Variants in ZNF345 observed in about 807,000 individuals in gnomAD.
The protein encoded by ZNF345 is zinc finger protein HZF10.
For missense variants in ZNF345, 527 were observed against 589.9 expected, an observed-to-expected ratio of 0.89 and a Z score of 1.10; for synonymous variants, 166 against 187.9, an observed-to-expected ratio of 0.88 and a Z score of 0.95.
chr19:36,850,617 G>T (rs1258406210), upstream of ZNF345: 1 of 152,258 alleles, frequency 6.6e-6, no homozygotes, highest in East Asian at 1.9e-4. Flanking sequence ...CAAGCAAAAA[G>T]GGCTCAGAGG....
chr19:36,852,439 C>T lies in ZNF345; in HGVS notation c.-47+535C>T, dbSNP rs567046858. On this transcript the variant is annotated intron_variant, in intron 2 of 2. Transcript: ENST00000420450. ...CATCCTGGCCAACATGAGGAAACCC[C>T]GTCTCTACTAAAAACACAAAAATTA... is the stretch of plus-strand genomic sequence containing the variant. 2.6e-4 allele frequency among the ~76,000 whole-genome samples: 39 copies of T among 151,956 alleles called. No homozygotes were observed. In the South Asian group the frequency reaches 7.9e-3, roughly 31 times the overall value.
At chr19:36,852,279 AT>A (rs1391637917) in intron 2 of ZNF345, among the ~76,000 whole-genome samples, 3 of 151,670 alleles carry the variant, frequency 2.0e-5, no homozygotes, top group Non-Finnish European at 4.4e-5. Context: ...TTTGGTACAC[AT>A]TTGCTTGCAT....
chr19:36,876,615 T>C (rs2072885521), intron 2 of ZNF345, among the ~76,000 whole-genome samples, 170 bp from the exon 3 acceptor site: 1 of 152,238 alleles, frequency 6.6e-6, no homozygotes, highest in Non-Finnish European at 1.5e-5. Context: ...ACTCATTTTC[T>C]CTGCTTCCCT....
intron 2 of ZNF345, among the ~76,000 whole-genome samples, chr19:36,867,421 A>G (rs1007335517): frequency 6.6e-6 from 1 of 152,202 alleles, no homozygotes; most frequent in Non-Finnish European, 1.5e-5. Flanking sequence ...TGTATTCACA[A>G]TATTGTGCAA....
intron 2 of ZNF345, among the ~76,000 whole-genome samples, chr19:36,853,784 A>G (rs2072342450): frequency 6.6e-6 from 1 of 152,222 alleles, no homozygotes; most frequent in Non-Finnish European, 1.5e-5. Context: ...CACTCCTCGC[A>G]GTAATAACAT....
At position 36,877,320 on chromosome 19, in the gene ZNF345, C is replaced by A. The variant is rs1294818220; in HGVS notation, c.490C>A (p.His164Asn). The A allele has an allele frequency of 6.2e-7, 1 of 1,614,006 alleles. No individual in the cohort carries two copies. Among genetic ancestry groups the A allele is most frequent in the Non-Finnish European group, 8.5e-7 (1 of 1,179,990 alleles). The change falls in exon 3 of 3, where the codon CAT becomes AAT. Residue 164 changes from histidine to asparagine, a missense_variant. Physicochemically the swap from His to Asn is moderately conservative, Grantham distance 68. Transcript: ENST00000420450. Reference protein sequence around the residue: ...AFSFGSGLIRHQIIHSGEKPY... With the variant: ...AFSFGSGLIRNQIIHSGEKPY... ...TAGTTTTGGATCAGGCCTTATTCGA[C>A]ATCAGATCATTCACAGTGGTGAGAA...
At chr19:36,851,999 G>A (rs1568347586) in intron 2 of ZNF345, 95 bp downstream of exon 2, 1 of 151,860 alleles carries the variant, frequency 6.6e-6, no homozygotes, top group East Asian at 1.9e-4. Flanking sequence ...CCTATGAGAT[G>A]ACCTGATCCC....
At chr19:36,851,019 G>A (rs1485247780) in intron 1 of ZNF345, 51 bp downstream of exon 1, 2 of 153,322 alleles carry the variant, frequency 1.3e-5, no homozygotes, top group African/African-American at 4.8e-5. Flanking sequence ...CGACCTGTGT[G>A]GGCTGCGTGG....
downstream of ZNF345, among the ~76,000 whole-genome samples, chr19:36,882,051 G>GTT (rs557132155): frequency 6.7e-5 from 9 of 134,670 alleles, no homozygotes; most frequent in South Asian, 4.6e-4. Context: ...CATTTTACTT[G>GTT]TTTTTTTTTT....
At chr19:36,870,802 G>C (rs918630797) in intron 2 of ZNF345, among the ~76,000 whole-genome samples, 1 of 152,028 alleles carries the variant, frequency 6.6e-6, no homozygotes, top group Non-Finnish European at 1.5e-5. Flanking sequence ...ATATGTAAAT[G>C]TAAATCATCT....
intron 3 of ZNF345, among the ~76,000 whole-genome samples, chr19:36,887,629 A>G (rs188015145): frequency 1.3e-5 from 2 of 152,356 alleles, no homozygotes; most frequent in East Asian, 3.9e-4. Context: ...ATGTTATTAC[A>G]TGGAGTCATT....
intron 2 of ZNF345, among the ~76,000 whole-genome samples, chr19:36,864,532 T>TA (rs2072618641): frequency 6.6e-6 from 1 of 151,018 alleles, no homozygotes; most frequent in Non-Finnish European, 1.5e-5. Context: ...TCTAAAAAAT[T>TA]TAAAAAAAAA....
chr19:36,863,225 G>C (rs1318222128), intron 2 of ZNF345, among the ~76,000 whole-genome samples: 1 of 152,060 alleles, frequency 6.6e-6, no homozygotes, highest in Non-Finnish European at 1.5e-5. Context: ...CCTCATTATA[G>C]GTCTATAATG....
chr19:36,863,553 A>C (rs184218934), intron 2 of ZNF345, among the ~76,000 whole-genome samples: 11 of 152,200 alleles, frequency 7.2e-5, no homozygotes, highest in African/African-American at 2.2e-4. Flanking sequence ...CTTCTTTCAC[A>C]TGAAAAATGT....
chr19:36,878,212 A>G lies in ZNF345; in HGVS notation c.1382A>G (p.Lys461Arg). 1 of 1,614,044 alleles carries G rather than the reference A, an allele frequency of 6.2e-7. No homozygotes were observed. The highest frequency in any genetic ancestry group is 2.2e-5 in the East Asian group (1 of 44,872). Residue 461 changes from lysine to arginine, a missense_variant, in exon 3 of 3, where the codon AAG (lysine) becomes AGG (arginine). Transcript: ENST00000420450. ...CTTTATGAATGTAAGAACTGTGGGA[A>G]GGCTTATGGGAGGGATTCAGAGTTT... ...EKLYECKNCG[K>R]AYGRDSEFQQ...
downstream of ZNF345, among the ~76,000 whole-genome samples, chr19:36,879,946 C>T (rs1256302001): frequency 6.6e-6 from 1 of 152,122 alleles, no homozygotes; most frequent in African/African-American, 2.4e-5. Context: ...TGATCCATAC[C>T]TTACTCAACA....
rs957365863 is a variant in ZNF345 at position 36,878,097 on chromosome 19, G to A, written c.1267G>A (p.Glu423Lys). ...TCGGCACCAGAGAATACACACTGGT[G>A]AGAAACCCTATGAATGTAAGGAGTG... Reference protein sequence around the residue: ...LNRHQRIHTGEKPYECKECGK... With the variant: ...LNRHQRIHTGKKPYECKECGK... The change falls in exon 3 of 3, where the codon GAG (glutamate) becomes AAG (lysine). Residue 423 changes from glutamate (E) to lysine (K), a missense_variant. Glu to Lys is a moderately conservative substitution (Grantham distance 56). Transcript: ENST00000420450. 6.2e-7 allele frequency: 1 copy of A among 1,613,980 alleles called. No individual in the cohort carries two copies. The highest frequency in any genetic ancestry group is 1.3e-5 in the African/African-American group (1 of 74,922).
exon 4 of ZNF345, chr19:36,892,967 T>C (rs2073075153): frequency 2.1e-6 from 1 of 482,418 alleles, no homozygotes; most frequent in Non-Finnish European, 3.4e-6. Context: ...CCGCTTCTGC[T>C]CCAGGGCATG....
At chr19:36,891,185 G>T in intron 3 of ZNF345, 1 of 256,444 alleles carries the variant, frequency 3.9e-6, no homozygotes, top group Non-Finnish European at 7.3e-6. Flanking sequence ...AAAAGCCATG[G>T]AATGCCAAGG....
Sources: gnomAD v4.1 joint callset for allele counts (sites outside exome capture counted in the v4.1 genomes callset) on GRCh38, gnomAD v4.1.1 for gene constraint, MANE v1.5 for transcripts, NCBI Gene and HGNC (gene_info 2026-07-23, HGNC 2026-07-21) for gene names.